Variants in EDIL3 observed in about 807,000 individuals in gnomAD.
EDIL3 encodes EGF-like repeat and discoidin I-like domain-containing protein 3.
Under a neutral mutation model 67.4 loss-of-function variants are expected in EDIL3, and 37 were observed. That is an observed-to-expected ratio of 0.55 (90% CI 0.42 to 0.72). The LOEUF is 0.72. EDIL3 is among the 30% of genes least tolerant of loss of function. The pLI is 0.00. For missense variants in EDIL3, 527 were observed against 586.3 expected (o/e 0.90, Z 1.04); for synonymous variants, 195 against 196.3 (o/e 0.99, Z 0.05).
chr5:84,070,625 G>A (rs943524965), intron 6 of EDIL3, among the ~76,000 whole-genome samples: 1 of 151,342 alleles, frequency 6.6e-6, no homozygotes, highest in Non-Finnish European at 1.5e-5. Context: ...GTGTGTGTGT[G>A]TGTGTGTGTG....
intron 6 of EDIL3, among the ~76,000 whole-genome samples, chr5:84,100,304 T>C (rs1747339537): frequency 6.6e-6 from 1 of 152,044 alleles, no homozygotes; most frequent in African/African-American, 2.4e-5. Flanking sequence ...TTATTCACAA[T>C]AGCAAAGATT....
At chr5:83,968,267 T>C (rs962723347) in intron 9 of EDIL3, among the ~76,000 whole-genome samples, 14 of 152,100 alleles carry the variant, frequency 9.2e-5, no homozygotes, top group Admixed American at 7.2e-4. Flanking sequence ...TTTGATCTAG[T>C]TCTGATCTAA....
intron 9 of EDIL3, among the ~76,000 whole-genome samples, chr5:84,008,897 C>T (rs1745471264): frequency 6.6e-6 from 1 of 152,174 alleles, no homozygotes; most frequent in Non-Finnish European, 1.5e-5. Flanking sequence ...ACTGCAACCT[C>T]CGCCTCCCAG....
At chr5:84,203,987 T>G (rs879817780) in intron 3 of EDIL3, among the ~76,000 whole-genome samples, 3 of 152,202 alleles carry the variant, frequency 2.0e-5, no homozygotes, top group Admixed American at 1.3e-4. Flanking sequence ...AGAAAACAGC[T>G]TTTGATTTAC....
intron 10 of EDIL3, among the ~76,000 whole-genome samples, chr5:83,945,716 T>C (rs1172112081): frequency 6.6e-6 from 1 of 151,918 alleles, no homozygotes; most frequent in Non-Finnish European, 1.5e-5. Flanking sequence ...AAAACAACTA[T>C]GAAATTTCTG....
At chr5:84,066,358 A>G in intron 7 of EDIL3, 93 bp downstream of exon 7, 2 of 1,352,966 alleles carry the variant, frequency 1.5e-6, no homozygotes, top group East Asian at 2.7e-5. Context: ...ATTTTCATCA[A>G]CATAAGTCTT....
chr5:84,360,243 G>A (rs539420786), intron 1 of EDIL3, among the ~76,000 whole-genome samples: 99 of 152,312 alleles, frequency 6.5e-4, no homozygotes, highest in Non-Finnish European at 1.2e-3. Context: ...AGGAGAAAAG[G>A]AGAGATTTTA....
At chr5:84,121,864 T>C (rs1264932650) in intron 5 of EDIL3, among the ~76,000 whole-genome samples, 3 of 152,030 alleles carry the variant, frequency 2.0e-5, no homozygotes, top group Non-Finnish European at 4.4e-5. Context: ...TGGGCATTTA[T>C]GTATTTAAGA....
At chr5:84,127,364 C>T (rs983099058) in intron 5 of EDIL3, among the ~76,000 whole-genome samples, 10 of 152,140 alleles carry the variant, frequency 6.6e-5, no homozygotes, top group South Asian at 2.1e-4. Context: ...CTAAAAAGAA[C>T]GTGTATTATT....
chr5:84,008,578 G>T (rs1235925018), intron 9 of EDIL3, among the ~76,000 whole-genome samples: 1 of 152,014 alleles, frequency 6.6e-6, no homozygotes, highest in African/African-American at 2.4e-5. Flanking sequence ...ATACCAGAAA[G>T]GATTAGCCAG....
chr5:84,339,000 C>T (rs1051162028), intron 1 of EDIL3, among the ~76,000 whole-genome samples: 5 of 152,160 alleles, frequency 3.3e-5, no homozygotes, highest in African/African-American at 1.2e-4. Flanking sequence ...CCCTCCCCTT[C>T]CTTCTGTCCA....
At chr5:84,182,534 C>T (rs1749031968) in intron 3 of EDIL3, among the ~76,000 whole-genome samples, 1 of 151,926 alleles carries the variant, frequency 6.6e-6, no homozygotes, top group Admixed American at 6.6e-5. Context: ...ACTTCAAGCA[C>T]TGCAATCGGA....
intron 4 of EDIL3, among the ~76,000 whole-genome samples, chr5:84,141,458 T>C (rs1269733752): frequency 6.8e-6 from 1 of 147,030 alleles, no homozygotes; most frequent in Non-Finnish European, 1.5e-5. Context: ...TAATTTCATA[T>C]ATATGAAATT....
intron 1 of EDIL3, among the ~76,000 whole-genome samples, chr5:84,374,950 A>G (rs972050440): frequency 2.7e-5 from 4 of 149,316 alleles, no homozygotes; most frequent in Admixed American, 1.3e-4. Flanking sequence ...TTTATAAATT[A>G]CCCAGTCTCG....
At chr5:83,978,976 A>T (rs1267186639) in intron 9 of EDIL3, among the ~76,000 whole-genome samples, 3 of 152,146 alleles carry the variant, frequency 2.0e-5, no homozygotes, top group Non-Finnish European at 2.9e-5. Flanking sequence ...AAATTTCCAT[A>T]CAACTAAAAC....
intron 3 of EDIL3, among the ~76,000 whole-genome samples, chr5:84,188,536 A>C (rs1014897334): frequency 6.6e-6 from 1 of 151,938 alleles, no homozygotes; most frequent in East Asian, 1.9e-4. Flanking sequence ...TTATGCACAA[A>C]GGCCCTATGA....
intron 9 of EDIL3, among the ~76,000 whole-genome samples, chr5:83,994,406 C>A (rs1356738065): frequency 6.8e-6 from 1 of 147,276 alleles, no homozygotes; most frequent in African/African-American, 2.5e-5. Flanking sequence ...TTCAATTATT[C>A]TACCAATTTA....
intron 1 of EDIL3, among the ~76,000 whole-genome samples, chr5:84,343,774 T>C (rs532184992): frequency 1.3e-5 from 2 of 152,248 alleles, no homozygotes; most frequent in Admixed American, 1.3e-4. Context: ...TAGCAAAGCC[T>C]ATCCCCTGGC....
chr5:84,184,791 G>C (rs1330092913), intron 3 of EDIL3, among the ~76,000 whole-genome samples: 2 of 152,100 alleles, frequency 1.3e-5, no homozygotes, highest in Non-Finnish European at 2.9e-5. Flanking sequence ...GCAGCCTCTG[G>C]GATTTCTAGA....
Sources: gnomAD v4.1 joint callset for allele counts (sites outside exome capture counted in the v4.1 genomes callset) on GRCh38, gnomAD v4.1.1 for gene constraint, MANE v1.5 for transcripts, NCBI Gene and HGNC (gene_info 2026-07-23, HGNC 2026-07-21) for gene names.